Variants in DNAH10 observed in about 807,000 individuals in gnomAD.
DNAH10 encodes dynein axonemal heavy chain 10.
A neutral mutation model predicts 506.6 loss-of-function variants in DNAH10; 348 were observed. That is an observed-to-expected ratio of 0.69 (90% CI 0.63 to 0.75). The LOEUF (loss-of-function observed/expected upper bound fraction) is 0.75. Ranked by LOEUF, DNAH10 falls within the 30% of genes least tolerant of loss-of-function variation. The pLI, the probability that DNAH10 is intolerant of heterozygous loss-of-function variation, is 0.00. For synonymous variants in DNAH10, 2,059 were observed against 2,198.6 expected, an observed-to-expected ratio of 0.94 and a Z score of 1.78; for missense variants, 5,179 against 5,787.1, an observed-to-expected ratio of 0.89 and a Z score of 3.41.
rs1954846849 is a variant in DNAH10, at chr12:123,924,350, T to C, written c.11684T>C (p.Ile3895Thr). ...AWLSDQGWED[I>T]ILLSEMFSDN... is the part of the protein sequence containing the mutation. ...TTGTCTGACCAAGGATGGGAAGATA[T>C]CATTCTTTTATCAGAAATGTTTTCA... Residue 3895 changes from isoleucine (I) to threonine (T), a missense_variant, in exon 67 of 79, where the codon ATC becomes ACC. Physicochemically the swap from Ile to Thr is moderately conservative, Grantham distance 89 (BLOSUM62 -1). Coordinates refer to ENST00000673944, the MANE Select transcript of DNAH10 (RefSeq NM_001372106.1). 2.5e-6 allele frequency: 4 copies of C among 1,613,696 alleles called. No individual in the cohort carries two copies. The highest frequency in any genetic ancestry group is 1.3e-5 in the African/African-American group (1 of 75,014).
chr12:123,930,497 C>G lies in DNAH10; in HGVS notation c.12708C>G (p.Phe4236Leu). 1 of 1,610,650 alleles carries G rather than the reference C, an allele frequency of 6.2e-7. No homozygotes were observed. Among genetic ancestry groups the G allele is most frequent in the Non-Finnish European group, 8.5e-7 (1 of 1,178,966 alleles). The change falls in exon 73 of 79, where the codon TTC becomes TTG. Residue 4236 changes from phenylalanine to leucine, a missense_variant. Physicochemically the swap from Phe to Leu is conservative, Grantham distance 22 (BLOSUM62 0). Coordinates refer to ENST00000673944, the MANE Select transcript of DNAH10 (RefSeq NM_001372106.1). The stretch of plus-strand genomic sequence containing the variant: ...TGGGGGACTTCATTTTTGATACTTT[C>G]CAGCCATTCCACTTCTTCCGGAACA... Reference protein sequence around the residue: ...EYLGDFIFDTFQPFHFFRNKE... With the variant: ...EYLGDFIFDTLQPFHFFRNKE...
chr12:123,780,149 TTCTC>T (rs59003958), intron 5 of DNAH10, among the ~76,000 whole-genome samples: 85,380 of 133,026 alleles, frequency 0.64, 27,501 homozygotes, highest in East Asian at 0.93. Context: ...CCTCCCTCCT[TTCTC>T]TCTCTCTCTC....
At position 123,897,764 on chromosome 12, in the gene DNAH10, C is replaced by T. The variant is rs1953320915; in HGVS notation, c.9281-6C>T. 3 of 1,595,008 alleles carry T rather than the reference C, an allele frequency of 1.9e-6. No individual in the cohort carries two copies. Among genetic ancestry groups the T allele is most frequent in the East Asian group, 4.5e-5 (2 of 44,362 alleles). On this transcript the variant is annotated splice_region_variant and splice_polypyrimidine_tract_variant and intron_variant, in intron 54 of 78. Transcript: ENST00000673944. ...AAGAAAACATTTTTTATTCCTTCCT[C>T]TTCAGGGTATAATCCAATGATCCCG...
Position 123,762,422 on chromosome 12 carries a change from T to A in DNAH10, c.86T>A (p.Leu29His), listed in dbSNP as rs1365909585. The A allele has an allele frequency of 3.8e-5, 54 of 1,428,248 alleles. No homozygotes were observed. Among genetic ancestry groups the A allele is most frequent in the Non-Finnish European group, 4.9e-5 (53 of 1,084,820 alleles). 88.5% of individuals were successfully genotyped at this position (1,428,248 alleles called of 1,614,324 possible). The stretch of plus-strand genomic sequence containing the variant: ...GACCCCCAGCTTTTCGAGGACCTGC[T>A]CAACCGCGACGACGGCCAGGGCGAG... ...ITDPQLFEDL[L>H]NRDDGQGEDL... Residue 29 changes from leucine (L) to histidine (H), a missense_variant, in exon 1 of 79, where the codon CTC (leucine) becomes CAC (histidine). Around this residue, in one of 3 missense-constraint regions of DNAH10, gnomAD observed 326 missense variants for 330.8 expected, o/e 0.99. Coordinates refer to ENST00000673944, the MANE Select transcript of DNAH10 (RefSeq NM_001372106.1). The surrounding 1 kb of genome is among the most constrained non-coding windows in gnomAD (Gnocchi z 5.0).
chr12:123,903,983 T>C lies in DNAH10; in HGVS notation c.9815+870T>C, dbSNP rs1489390746. On this transcript the variant is annotated intron_variant, in intron 57 of 78. Coordinates refer to ENST00000673944, the MANE Select transcript of DNAH10 (RefSeq NM_001372106.1). The surrounding 1 kb of genome is among the most constrained non-coding windows in gnomAD (Gnocchi z 4.6). ...TCAGTAATGGGCTTCCATTCTGGGC[T>C]CCCGCTGGAGCGGTGCATGTTCCCT... is the stretch of plus-strand genomic sequence containing the variant. Among the ~76,000 whole-genome samples, 1 of 152,200 alleles carries C rather than the reference T, an allele frequency of 6.6e-6. No individual in the cohort carries two copies. The highest frequency in any genetic ancestry group is 1.9e-4 in the East Asian group (1 of 5,196).
chr12:123,882,157 C>T (rs528529241), intron 51 of DNAH10: 6 of 188,618 alleles, frequency 3.2e-5, no homozygotes, highest in South Asian at 2.0e-4. Context: ...CCATCAAAGC[C>T]GGGGACCATC....
At chr12:123,830,522 A>G (rs1960428319) in intron 25 of DNAH10, 24 bp from the exon 26 acceptor site, 2 of 1,605,322 alleles carry the variant, frequency 1.2e-6, no homozygotes, top group African/African-American at 1.3e-5. Context: ...AAGCATAAAG[A>G]TTTGAATGCT....
intron 2 of DNAH10, among the ~76,000 whole-genome samples, chr12:123,769,884 G>A (rs555625278): frequency 6.7e-6 from 1 of 149,228 alleles, no homozygotes; most frequent in African/African-American, 2.5e-5. Flanking sequence ...CTTCCAAGTA[G>A]CTGGGACTAC....
chr12:123,934,864 A>G, intron 78 of DNAH10, 98 bp downstream of exon 78: 1 of 1,477,130 alleles, frequency 6.8e-7, no homozygotes. Context: ...TTTTTAAAAC[A>G]GGGGTGCCTA....
At chr12:123,877,630 C>T (rs1179350420) in intron 47 of DNAH10, 106 bp from the exon 48 acceptor site, 2 of 1,414,460 alleles carry the variant, frequency 1.4e-6, no homozygotes, top group Admixed American at 2.8e-5. Context: ...TCATTCCTTT[C>T]TATAGCTTAG....
At position 123,903,501 on chromosome 12, in the gene DNAH10, G is replaced by T. The variant is rs1170704995; in HGVS notation, c.9815+388G>T. Among the ~76,000 whole-genome samples, 1 of 152,224 alleles carries T rather than the reference G, an allele frequency of 6.6e-6. No homozygotes were observed. The highest frequency in any genetic ancestry group is 1.5e-5 in the Non-Finnish European group (1 of 68,042). On this transcript the variant is annotated intron_variant, in intron 57 of 78. Transcript: ENST00000673944. The surrounding 1 kb of genome is among the most constrained non-coding windows in gnomAD (Gnocchi z 4.6). Reference sequence around the variant, plus strand: ...GCTGAAAACAGCTCTGCAGAGATGTGTGCACACCACGGCCGGACTGGCGAT... The same window carrying T: ...GCTGAAAACAGCTCTGCAGAGATGTTTGCACACCACGGCCGGACTGGCGAT...
intron 5 of DNAH10, among the ~76,000 whole-genome samples, chr12:123,775,387 G>A (rs944067918): frequency 1.3e-5 from 2 of 152,160 alleles, no homozygotes; most frequent in African/African-American, 4.8e-5. Context: ...GTGATTACAG[G>A]CATGAGCCAC....
In DNAH10 at chr12:123,879,802, G is replaced by A. The variant is rs375025399; in HGVS notation, c.8634+1G>A. 1.2e-6 allele frequency: 2 copies of A among 1,613,768 alleles called. No individual in the cohort carries two copies. Among genetic ancestry groups the A allele is most frequent in the Admixed American group, 3.3e-5 (2 of 60,028 alleles). On this transcript the variant is annotated splice_donor_variant, in intron 50 of 78. Transcript: ENST00000673944. LOFTEE classifies it high-confidence loss of function. ...CGAGGCGGCCAAGGCTCTGTTCCAG[G>A]TGGGGATGAGCCCCACCCTGTCCAT...
intron 54 of DNAH10, among the ~76,000 whole-genome samples, chr12:123,896,395 C>T (rs1216830919): frequency 6.6e-6 from 1 of 152,170 alleles, no homozygotes; most frequent in Admixed American, 6.5e-5. Flanking sequence ...GAGACATTCT[C>T]TGCTTTGAGC....
At position 123,808,787 on chromosome 12, in the gene DNAH10, C is replaced by T. The variant is rs1282894409; in HGVS notation, c.2988-10C>T. The T allele has an allele frequency of 2.5e-6, 4 of 1,613,866 alleles. No homozygotes were observed. The highest frequency in any genetic ancestry group is 2.2e-5 in the East Asian group (1 of 44,874). ...ATACACTCTGAGTCTTTCTCATCAA[C>T]CCCTCTTAGGAACTTGCAGTCTTTT... is the stretch of plus-strand genomic sequence containing the variant. On this transcript the variant is annotated splice_polypyrimidine_tract_variant and intron_variant, in intron 18 of 78. Transcript: ENST00000673944.
chr12:123,861,792 TAATA>T (rs1414049909), intron 39 of DNAH10, among the ~76,000 whole-genome samples: 1 of 152,244 alleles, frequency 6.6e-6, no homozygotes, highest in Non-Finnish European at 1.5e-5. Context: ...ATCCCATTAA[TAATA>T]AATAAAATCC....
At chr12:123,813,662 T>C (rs376842596) in intron 20 of DNAH10, 22 bp downstream of exon 20, 3 of 1,613,296 alleles carry the variant, frequency 1.9e-6, no homozygotes, top group Non-Finnish European at 2.5e-6. Context: ...CTGTGTGTAA[T>C]TGAAACTACT....
chr12:123,789,839 T>G, intron 10 of DNAH10, 88 bp from the exon 11 acceptor site: 1 of 1,237,584 alleles, frequency 8.1e-7, no homozygotes, highest in Non-Finnish European at 1.1e-6. Context: ...TGCCCCCAGG[T>G]CAGTCTCGAT....
chr12:123,823,971 T>C (rs1321432778), intron 24 of DNAH10, among the ~76,000 whole-genome samples: 1 of 152,060 alleles, frequency 6.6e-6, no homozygotes, highest in Non-Finnish European at 1.5e-5. Flanking sequence ...TCACCTAGAG[T>C]GACTTCCACT....
Sources: allele counts gnomAD v4.1 joint callset (sites outside exome capture counted in the v4.1 genomes callset), GRCh38; gene constraint gnomAD v4.1.1; regional missense constraint gnomAD v4.1.1; non-coding constraint Gnocchi (gnomAD v3.1); transcripts MANE v1.5; gene names NCBI Gene and HGNC (gene_info 2026-07-23, HGNC 2026-07-21).